AFF3: variants seen among roughly 807,000 people sequenced by gnomAD.
The protein encoded by AFF3 is AF4/FMR2 family member 3.
Under a neutral mutation model 129.7 loss-of-function variants are expected in AFF3, and 32 were observed. The observed-to-expected ratio is 0.25, with a 90% CI of 0.19 to 0.33. The LOEUF is 0.33. AFF3 is among the 10% of genes least tolerant of loss of function. The pLI is 1.00. For synonymous variants in AFF3, 644 were observed against 635.4 expected, an observed-to-expected ratio of 1.01 and a Z score of -0.20; for missense variants, 1,373 against 1,592.0, an observed-to-expected ratio of 0.86 and a Z score of 2.34.
intron 4 of AFF3, among the ~76,000 whole-genome samples, chr2:100,090,710 T>C (rs188680735): frequency 2.0e-5 from 3 of 151,990 alleles, no homozygotes; most frequent in African/African-American, 7.2e-5. Flanking sequence ...GGAGTCTCGC[T>C]GTGACACCCA....
chr2:99,636,673 A>C (rs1017319004), intron 13 of AFF3, among the ~76,000 whole-genome samples: 1 of 152,218 alleles, frequency 6.6e-6, no homozygotes, highest in Non-Finnish European at 1.5e-5. Flanking sequence ...GGGCAGAGGC[A>C]GATGCTGCAT....
In AFF3 at chr2:99,634,040, G is replaced by T. The variant is rs191988971; in HGVS notation, c.1184+15586C>A. ...AGTGATTCTCCTGCCTCAACCTCCC[G>T]AGTAGCTGGGATTACAGGCATGTGC... On this transcript the variant is annotated intron_variant, in intron 13 of 24. Coordinates refer to ENST00000672756, the MANE Select transcript of AFF3 (RefSeq NM_001386135.1). Among the ~76,000 whole-genome samples, 12 of 148,274 alleles carry T rather than the reference G, an allele frequency of 8.1e-5. No homozygotes were observed. In the East Asian group the frequency reaches 2.5e-3, roughly 30 times the overall value.
At chr2:99,891,644 C>A (rs1693560437) in intron 7 of AFF3, among the ~76,000 whole-genome samples, 2 of 152,128 alleles carry the variant, frequency 1.3e-5, no homozygotes, top group African/African-American at 4.8e-5. Flanking sequence ...GATGTTTCAC[C>A]CAACACCAAG....
intron 8 of AFF3, among the ~76,000 whole-genome samples, chr2:99,823,394 T>C (rs545830843): frequency 3.1e-4 from 47 of 151,992 alleles, no homozygotes; most frequent in African/African-American, 1.1e-3. Flanking sequence ...TATTAATAAA[T>C]GTGCAGAAAT....
intron 15 of AFF3, among the ~76,000 whole-genome samples, chr2:99,592,927 CT>C (rs1678837531): frequency 4.6e-5 from 5 of 107,644 alleles, no homozygotes; most frequent in African/African-American, 7.3e-5. Flanking sequence ...CAGAGTGAGA[CT>C]CCCTCCCCCC....
intron 2 of AFF3, among the ~76,000 whole-genome samples, chr2:100,117,150 T>A (rs1691764939): frequency 6.6e-6 from 1 of 152,198 alleles, no homozygotes; most frequent in South Asian, 2.1e-4. Flanking sequence ...TTCATAGGGC[T>A]TCTTATCTAA....
chr2:99,888,138 G>A (rs1354024589), intron 7 of AFF3, among the ~76,000 whole-genome samples: 2 of 152,074 alleles, frequency 1.3e-5, no homozygotes, highest in African/African-American at 4.8e-5. Context: ...AGAAAGAGAC[G>A]AAAAAGTATA....
intron 2 of AFF3, among the ~76,000 whole-genome samples, chr2:100,127,073 G>A (rs1692223521): frequency 6.6e-6 from 1 of 152,160 alleles, no homozygotes; most frequent in African/African-American, 2.4e-5. Flanking sequence ...TCCTCTCTGG[G>A]AGGTCCCTGG....
At chr2:100,075,895 G>A (rs1471116171) in intron 4 of AFF3, among the ~76,000 whole-genome samples, 1 of 152,144 alleles carries the variant, frequency 6.6e-6, no homozygotes, top group East Asian at 1.9e-4. Flanking sequence ...CCCGTAGGAT[G>A]GAGCTTGGTG....
At chr2:100,131,369 A>G (rs1692424116) in intron 1 of AFF3, among the ~76,000 whole-genome samples, 1 of 152,240 alleles carries the variant, frequency 6.6e-6, no homozygotes, top group South Asian at 2.1e-4. Context: ...AAATGTTGAT[A>G]TAAAGCAGTG....
intron 7 of AFF3, among the ~76,000 whole-genome samples, chr2:99,939,447 G>A (rs1177861245): frequency 2.6e-5 from 4 of 152,326 alleles, no homozygotes; most frequent in Non-Finnish European, 5.9e-5. Context: ...ATGCAGGAGA[G>A]AAAAGGGCCC....
At chr2:100,067,181 A>T (rs1277293957) in intron 4 of AFF3, among the ~76,000 whole-genome samples, 4 of 60,920 alleles carry the variant, frequency 6.6e-5, no homozygotes, top group South Asian at 5.3e-4. Context: ...CCACATAGTT[A>T]AAAAAAAAAA....
At chr2:99,724,810 T>C (rs1031567525) in intron 11 of AFF3, among the ~76,000 whole-genome samples, 1 of 152,180 alleles carries the variant, frequency 6.6e-6, no homozygotes, top group African/African-American at 2.4e-5. Context: ...TCTCCATTCA[T>C]AGGAGAGATG....
chr2:99,846,465 T>C (rs1414676348), intron 7 of AFF3, among the ~76,000 whole-genome samples: 1 of 152,238 alleles, frequency 6.6e-6, no homozygotes, highest in Non-Finnish European at 1.5e-5. Flanking sequence ...ATTCCATTTA[T>C]ATGATCTAAT....
At chr2:99,734,764 T>A (rs1274286498) in intron 10 of AFF3, among the ~76,000 whole-genome samples, 1 of 152,176 alleles carries the variant, frequency 6.6e-6, no homozygotes, top group South Asian at 2.1e-4. Flanking sequence ...CTTGGCTGGA[T>A]GGAATTTACA....
chr2:99,836,025 C>A lies in AFF3; in HGVS notation c.921+1452G>T, dbSNP rs111281357. Among the ~76,000 whole-genome samples, 1,357 of 152,248 alleles carry A rather than the reference C, an allele frequency of 8.9e-3. 6 individuals are homozygous for A. The highest frequency in any genetic ancestry group is 0.015 in the Admixed American group (234 of 15,292). ...GAATTTTGCTTTACCTAAACTCTAT[C>A]CTTTTGGTGTGTGAATTACTCAAGT... On this transcript the variant is annotated intron_variant, in intron 8 of 24. Transcript: ENST00000672756.
chr2:99,872,593 CAAAAATAAAATAAAA>C (rs1374952020), intron 7 of AFF3, among the ~76,000 whole-genome samples: 131 of 120,872 alleles, frequency 1.1e-3, no homozygotes, highest in African/African-American at 2.4e-3. Flanking sequence ...ATGCTTCTTA[CAAAAATAAAATAAAA>C]TAAAATAAAA....
chr2:99,836,273 A>G (rs905841244), intron 8 of AFF3, among the ~76,000 whole-genome samples: 1 of 152,240 alleles, frequency 6.6e-6, no homozygotes, highest in Non-Finnish European at 1.5e-5. Flanking sequence ...TGTGAACTGC[A>G]AATATGAAAG....
Position 99,916,499 on chromosome 2 carries a change from A to G in AFF3, c.874-78975T>C, listed in dbSNP as rs149255627. ...ACACAAGACATCTAATATACGGTGAAGAATTGAACTTAGGATGAGAGGCAG... is the reference window on the plus strand; with the variant it reads ...ACACAAGACATCTAATATACGGTGAGGAATTGAACTTAGGATGAGAGGCAG... On this transcript the variant is annotated intron_variant, in intron 7 of 24. Coordinates refer to ENST00000672756, the MANE Select transcript of AFF3 (RefSeq NM_001386135.1). Among the ~76,000 whole-genome samples the G allele has an allele frequency of 5.8e-3, 881 of 152,254 alleles. 5 individuals are homozygous for G. The highest frequency in any genetic ancestry group is 0.02 in the East Asian group (104 of 5,166).
Sources: gnomAD v4.1 joint callset for allele counts (sites outside exome capture counted in the v4.1 genomes callset) on GRCh38, gnomAD v4.1.1 for gene constraint, MANE v1.5 for transcripts, NCBI Gene and HGNC (gene_info 2026-07-23, HGNC 2026-07-21) for gene names.